GRID2: variants seen among roughly 807,000 people sequenced by gnomAD.
GRID2 encodes the protein glutamate receptor ionotropic, delta-2.
A neutral mutation model predicts 114.8 loss-of-function variants in GRID2; 33 were observed. That is an observed-to-expected ratio of 0.29 (90% CI 0.22 to 0.38). GRID2 has a LOEUF of 0.38. Among genes scored for constraint, GRID2 ranks in the 10% least tolerant of loss-of-function variants. The pLI is 1.00. For missense variants in GRID2, 1,184 were observed against 1,257.7 expected, an observed-to-expected ratio of 0.94 and a Z score of 0.89; for synonymous variants, 505 against 449.9, an observed-to-expected ratio of 1.12 and a Z score of -1.55.
In GRID2 at chr4:92,934,971, G is replaced by A. The variant is rs1473271508; in HGVS notation, c.245-150024G>A. On this transcript the variant is annotated intron_variant, in intron 2 of 15. Coordinates refer to ENST00000282020, the MANE Select transcript of GRID2 (RefSeq NM_001510.4). The stretch of plus-strand genomic sequence containing the variant: ...CCTAGGCATTACCATTCAGGACATA[G>A]GCATGGGCAAGGACTTCATGTCTAA... Among the ~76,000 whole-genome samples, 2 of 146,440 alleles carry A rather than the reference G, an allele frequency of 1.4e-5. 1 individual carries two copies. The highest frequency in any genetic ancestry group is 4.4e-4 in the East Asian group (2 of 4,562).
intron 8 of GRID2, among the ~76,000 whole-genome samples, chr4:93,386,449 G>A (rs1764320777): frequency 6.6e-6 from 1 of 152,164 alleles, no homozygotes; most frequent in South Asian, 2.1e-4. Flanking sequence ...TTAAATAGGA[G>A]ATGTTAAGAA....
At chr4:92,641,139 G>C (rs1196546813) in intron 2 of GRID2, among the ~76,000 whole-genome samples, 4 of 151,716 alleles carry the variant, frequency 2.6e-5, no homozygotes, top group Non-Finnish European at 5.9e-5. Context: ...CAAGAGATGT[G>C]AAGCCAGTGC....
chr4:93,029,424 T>C (rs1481692338), intron 2 of GRID2, among the ~76,000 whole-genome samples: 2 of 151,628 alleles, frequency 1.3e-5, no homozygotes, highest in Admixed American at 6.6e-5. Flanking sequence ...GCTTCTTAAA[T>C]AATAATTGTT....
intron 8 of GRID2, among the ~76,000 whole-genome samples, chr4:93,285,925 G>A (rs1579546462): frequency 6.6e-6 from 1 of 152,066 alleles, no homozygotes; most frequent in South Asian, 2.1e-4. Context: ...TCCTGGGAAA[G>A]TGATTTTTAG....
intron 1 of GRID2, among the ~76,000 whole-genome samples, chr4:92,395,407 A>C (rs1051061677): frequency 1.3e-5 from 2 of 151,718 alleles, no homozygotes; most frequent in African/African-American, 2.4e-5. Flanking sequence ...AAAGGTTTTC[A>C]AACATATTGA....
At chr4:93,448,819 C>T (rs1449996361) in intron 10 of GRID2, among the ~76,000 whole-genome samples, 1 of 9,118 alleles carries the variant, frequency 1.1e-4, no homozygotes, top group Non-Finnish European at 1.9e-4. Flanking sequence ...CCCTTCCCTT[C>T]CCTTCCCTTC....
intron 8 of GRID2, among the ~76,000 whole-genome samples, chr4:93,283,987 A>AT (rs1424878082): frequency 6.6e-6 from 1 of 152,078 alleles, no homozygotes; most frequent in East Asian, 1.9e-4. Context: ...AGTGTTAAAG[A>AT]TTTTATAGTT....
intron 10 of GRID2, among the ~76,000 whole-genome samples, chr4:93,424,072 TAAA>T (rs1421327967): frequency 6.6e-6 from 1 of 152,152 alleles, no homozygotes; most frequent in Non-Finnish European, 1.5e-5. Flanking sequence ...CTACTTCACA[TAAA>T]AAGTAATAAA....
chr4:93,260,053 T>C (rs141516529), intron 8 of GRID2, among the ~76,000 whole-genome samples: 1 of 151,726 alleles, frequency 6.6e-6, no homozygotes, highest in South Asian at 2.1e-4. Context: ...ACAAAAACTG[T>C]GTCCGCTATT....
chr4:93,130,416 C>T (rs1199370627), intron 4 of GRID2, among the ~76,000 whole-genome samples: 1 of 152,050 alleles, frequency 6.6e-6, no homozygotes, highest in African/African-American at 2.4e-5. Context: ...AGCAATCCAG[C>T]CTGGAGTACA....
At chr4:93,532,734 A>T (rs774292683) in intron 13 of GRID2, among the ~76,000 whole-genome samples, 1 of 152,178 alleles carries the variant, frequency 6.6e-6, no homozygotes, top group Non-Finnish European at 1.5e-5. Context: ...TATAATAATT[A>T]TATGCAAATT....
At chr4:92,510,667 A>G (rs1274733130) in intron 1 of GRID2, among the ~76,000 whole-genome samples, 1 of 151,834 alleles carries the variant, frequency 6.6e-6, no homozygotes, top group African/African-American at 2.4e-5. Context: ...TAGGGTGACT[A>G]TGGTTAACAA....
chr4:93,039,021 A>G (rs1432548051), intron 2 of GRID2, among the ~76,000 whole-genome samples: 1 of 152,200 alleles, frequency 6.6e-6, no homozygotes, highest in Non-Finnish European at 1.5e-5. Flanking sequence ...ATGCACACAT[A>G]TGTTTATTGG....
intron 14 of GRID2, among the ~76,000 whole-genome samples, chr4:93,730,156 A>T (rs1322881977): frequency 1.3e-5 from 2 of 152,214 alleles, no homozygotes; most frequent in Non-Finnish European, 2.9e-5. Context: ...AGGGATGGCA[A>T]TAAAGATTGA....
intron 4 of GRID2, among the ~76,000 whole-genome samples, chr4:93,197,513 C>G (rs1243736057): frequency 6.6e-6 from 1 of 152,044 alleles, no homozygotes; most frequent in Non-Finnish European, 1.5e-5. Context: ...TTAGCTTATA[C>G]TATTATTATT....
At chr4:93,163,403 CTA>C (rs1737942154) in intron 4 of GRID2, among the ~76,000 whole-genome samples, 2 of 76,858 alleles carry the variant, frequency 2.6e-5, no homozygotes, top group Non-Finnish European at 4.7e-5. Flanking sequence ...TATATATACA[CTA>C]TATATATACA....
intron 14 of GRID2, among the ~76,000 whole-genome samples, chr4:93,723,078 G>C (rs908226254): frequency 1.3e-5 from 2 of 152,124 alleles, no homozygotes; most frequent in Admixed American, 1.3e-4. Flanking sequence ...CAATTGGATA[G>C]GGTAAGCTTC....
chr4:93,189,685 A>AC, intron 4 of GRID2, among the ~76,000 whole-genome samples: 1 of 151,958 alleles, frequency 6.6e-6, no homozygotes, highest in South Asian at 2.1e-4. Context: ...AAATTGCTTT[A>AC]CCACCTGTAC....
At chr4:93,268,197 T>C (rs1751063869) in intron 8 of GRID2, among the ~76,000 whole-genome samples, 1 of 152,192 alleles carries the variant, frequency 6.6e-6, no homozygotes, top group South Asian at 2.1e-4. Flanking sequence ...CTACACACTA[T>C]TTTGCTGTTT....
Sources: allele counts gnomAD v4.1 joint callset (sites outside exome capture counted in the v4.1 genomes callset), GRCh38; gene constraint gnomAD v4.1.1; transcripts MANE v1.5; gene names NCBI Gene and HGNC (gene_info 2026-07-23, HGNC 2026-07-21).